CCDC186: variants seen among roughly 807,000 people sequenced by gnomAD.
CCDC186 encodes coiled-coil domain containing 186.
In CCDC186, 49 loss-of-function variants were observed where a neutral mutation model predicts 113.7. The ratio of observed to expected loss-of-function variants is 0.43; its 90% CI spans 0.34 to 0.55. The LOEUF (loss-of-function observed/expected upper bound fraction) is 0.55. CCDC186 is among the 20% of genes least tolerant of loss of function. The probability of loss-of-function intolerance (pLI) is 0.02; values close to 1 mark genes in which losing one functional copy is unlikely to be tolerated. For missense variants in CCDC186, 890 were observed against 1,011.1 expected, an observed-to-expected ratio of 0.88 and a Z score of 1.62; for synonymous variants, 355 against 345.8, an observed-to-expected ratio of 1.03 and a Z score of -0.30.
At chr10:114,173,548 G>A (rs950064492) in intron 1 of CCDC186, among the ~76,000 whole-genome samples, 2 of 152,194 alleles carry the variant, frequency 1.3e-5, no homozygotes, top group Non-Finnish European at 2.9e-5. Context: ...TCACAGTAAT[G>A]GAAGTGTTTG....
chr10:114,131,844 T>C, intron 11 of CCDC186, 85 bp downstream of exon 11: 1 of 1,213,896 alleles, frequency 8.2e-7, no homozygotes, highest in Non-Finnish European at 1.1e-6. Flanking sequence ...AGAACTTAAT[T>C]CAACTACTAT....
intron 1 of CCDC186, among the ~76,000 whole-genome samples, chr10:114,167,072 G>A (rs2032357111): frequency 6.8e-6 from 1 of 147,242 alleles, no homozygotes; most frequent in African/African-American, 2.5e-5. Flanking sequence ...CCAAGCTGGA[G>A]TGCAATGGCG....
chr10:114,134,603 T>C (rs775858452), intron 10 of CCDC186, among the ~76,000 whole-genome samples: 6 of 152,218 alleles, frequency 3.9e-5, no homozygotes, highest in Non-Finnish European at 5.9e-5. Flanking sequence ...ATTTACCTTT[T>C]AGAAGAAAAA....
chr10:114,149,364 C>T (rs2031740468), intron 4 of CCDC186, among the ~76,000 whole-genome samples: 1 of 151,978 alleles, frequency 6.6e-6, no homozygotes, highest in South Asian at 2.1e-4. Flanking sequence ...ATCTATGCAA[C>T]AAATATTTTT....
At chr10:114,134,308 C>T (rs992732412) in intron 10 of CCDC186, among the ~76,000 whole-genome samples, 13 of 152,160 alleles carry the variant, frequency 8.5e-5, no homozygotes, top group African/African-American at 2.9e-4. Flanking sequence ...GAACCTCTGA[C>T]CAAAGACACA....
In CCDC186 at chr10:114,134,948, C is replaced by T. The variant is rs911843151; in HGVS notation, c.1620G>A (p.Val540=). ...GCTCCTGTAGCTGATCTGCAGTTTT[C>T]ACCTTGTCCAATAAATTCTGAATTT... ...KAEIQNLLDK[V]KTADQLQEQL... Residue 540 remains valine (V), a synonymous_variant, in exon 10 of 16, where the codon GTG becomes GTA. Transcript: ENST00000369287. The T allele has an allele frequency of 1.2e-6, 2 of 1,612,300 alleles. No homozygotes were observed. The highest frequency in any genetic ancestry group is 3.3e-5 in the Admixed American group (2 of 59,778).
chr10:114,159,836 C>G (rs1041808416), intron 2 of CCDC186, among the ~76,000 whole-genome samples: 2 of 151,948 alleles, frequency 1.3e-5, no homozygotes, highest in African/African-American at 4.8e-5. Flanking sequence ...GTGGTGCGCA[C>G]CTGTTGTCCA....
intron 1 of CCDC186, among the ~76,000 whole-genome samples, chr10:114,172,732 A>T (rs571693495): frequency 1.3e-5 from 2 of 152,274 alleles, no homozygotes; most frequent in Non-Finnish European, 2.9e-5. Flanking sequence ...CATTAAAAAT[A>T]ACATGAAAAG....
chr10:114,151,924 G>A (rs2031868745), intron 3 of CCDC186, among the ~76,000 whole-genome samples: 4 of 152,186 alleles, frequency 2.6e-5, no homozygotes. Flanking sequence ...AGGTTGCTAA[G>A]ATCTACAGTA....
chr10:114,174,166 T>C lies in CCDC186; in HGVS notation c.-213A>G, dbSNP rs745914474. The C allele has an allele frequency of 1.1e-4, 49 of 465,614 alleles. No individual in the cohort carries two copies. The highest frequency in any genetic ancestry group is 3.3e-4 in the Middle Eastern group (1 of 3,050). 28.8% of individuals were successfully genotyped at this position (465,614 alleles called of 1,614,324 possible). A position where few individuals can be genotyped will look rare whatever the true frequency, so the allele number is the denominator to read the frequency against. ...GCCGACGCCTCACTCAGCGGCCGTTTCCCCAAACCCCTGCGGAGCTGACAC... is the reference window on the plus strand; with the variant it reads ...GCCGACGCCTCACTCAGCGGCCGTTCCCCCAAACCCCTGCGGAGCTGACAC... On this transcript the variant is annotated 5_prime_UTR_variant, in exon 1 of 16. Transcript: ENST00000369287.
chr10:114,153,718 G>A (rs1359955818), intron 3 of CCDC186, among the ~76,000 whole-genome samples: 2 of 150,478 alleles, frequency 1.3e-5, no homozygotes, highest in African/African-American at 4.9e-5. Context: ...CTCAGGAGGT[G>A]GAAGTTGCAG....
Position 114,162,878 on chromosome 10 carries a change from CTGAT to C in CCDC186, c.387_390del (p.Ser130LeufsTer23). ...CTTTCTGAATAAGTCTTTTCATTAG[CTGAT>C]TCTGGAAATGTAGATGACCTTAATT... On this transcript the variant is annotated frameshift_variant, in exon 2 of 16. Transcript: ENST00000369287. LOFTEE classifies it high-confidence loss of function. 1 of 1,613,922 alleles carries C rather than the reference CTGAT, an allele frequency of 6.2e-7. No homozygotes were observed. The highest frequency in any genetic ancestry group is 8.5e-7 in the Non-Finnish European group (1 of 1,179,924).
At chr10:114,136,494 C>T (rs2031266764) in intron 7 of CCDC186, among the ~76,000 whole-genome samples, 1 of 152,162 alleles carries the variant, frequency 6.6e-6, no homozygotes, top group East Asian at 1.9e-4. Context: ...CAGCAAGCTG[C>T]ACTTTTTTTC....
chr10:114,131,362 A>C (rs2031082410), intron 11 of CCDC186, 26 bp from the exon 12 acceptor site: 6 of 1,512,910 alleles, frequency 4.0e-6, no homozygotes, highest in African/African-American at 1.4e-5. Context: ...AACAAAAACC[A>C]CCAATTTTAG....
rs1309550782 is a variant in CCDC186, at chr10:114,145,551, T to C, written c.1099A>G (p.Lys367Glu). The change falls in exon 5 of 16, where the codon AAG becomes GAG. Residue 367 changes from lysine (K) to glutamate (E), a missense_variant and splice_region_variant. Transcript: ENST00000369287. ...ATTTCAAATGGCACAAGTTATACCT[T>C]AGTTTCATACAGCTGGTGCAACCGT... ...KGRLHQLYET[K>E]EGETTRLIRE... 1 of 1,600,418 alleles carries C rather than the reference T, an allele frequency of 6.2e-7. No homozygotes were observed. The highest frequency in any genetic ancestry group is 1.8e-5 in the Admixed American group (1 of 56,872).
chr10:114,172,036 T>C (rs1277989837), intron 1 of CCDC186, among the ~76,000 whole-genome samples: 1 of 152,200 alleles, frequency 6.6e-6, no homozygotes, highest in African/African-American at 2.4e-5. Context: ...AGTATAACAT[T>C]TGCAATACTG....
rs1326747439 is a variant in CCDC186, at chr10:114,174,128, G to A, written c.-175C>T. 2.1e-6 allele frequency: 1 copy of A among 472,102 alleles called. No individual in the cohort carries two copies. The highest frequency in any genetic ancestry group is 4.4e-6 in the Non-Finnish European group (1 of 226,976). The allele number at this position is 472,102 out of a possible 1,614,324, so 29.2% of individuals were successfully genotyped here. The stretch of plus-strand genomic sequence containing the variant: ...GCCAAGAGTGGGAGGAAAAGACCGC[G>A]GTGAGAAACACAGCCGACGCCTCAC... On this transcript the variant is annotated 5_prime_UTR_variant, in exon 1 of 16. Transcript: ENST00000369287.
chr10:114,153,248 C>A (rs1345402774), intron 3 of CCDC186, among the ~76,000 whole-genome samples: 1 of 152,072 alleles, frequency 6.6e-6, no homozygotes, highest in Non-Finnish European at 1.5e-5. Flanking sequence ...AGATTAAAAT[C>A]ATATGAAGCA....
In CCDC186 at chr10:114,131,148, T is replaced by G; in HGVS notation, c.2100A>C (p.Gln700His). 6.6e-7 allele frequency: 1 copy of G among 1,521,862 alleles called. No individual in the cohort carries two copies. Among genetic ancestry groups the G allele is most frequent in the Non-Finnish European group, 8.8e-7 (1 of 1,138,716 alleles). The allele number at this position is 1,521,862 out of a possible 1,614,324, so 94.3% of individuals were successfully genotyped here. The change falls in exon 12 of 16, where the codon CAA (glutamine) becomes CAC (histidine). Residue 700 changes from glutamine (Q) to histidine (H), a missense_variant and splice_region_variant. Physicochemically the swap from Gln to His is conservative, Grantham distance 24. Transcript: ENST00000369287. ...SIKDLTKQLQ[Q>H]ARRKLDQVES... Reference sequence around the variant, plus strand: ...TCTAAGTGTGGAAGAATTTTATACCTTGCTGAAGTTGTTTGGTGAGATCCT... The same window carrying G: ...TCTAAGTGTGGAAGAATTTTATACCGTGCTGAAGTTGTTTGGTGAGATCCT...
Sources: allele counts gnomAD v4.1 joint callset (sites outside exome capture counted in the v4.1 genomes callset), GRCh38; gene constraint gnomAD v4.1.1; transcripts MANE v1.5; gene names NCBI Gene and HGNC (gene_info 2026-07-23, HGNC 2026-07-21).